VIPR2: variants seen among roughly 807,000 people sequenced by gnomAD.
VIPR2 encodes the protein vasoactive intestinal polypeptide receptor 2.
Under a neutral mutation model 58.0 loss-of-function variants are expected in VIPR2, and 48 were observed. The ratio of observed to expected loss-of-function variants is 0.83; its 90% CI spans 0.66 to 1.05. VIPR2 has a LOEUF of 1.05. Ranked by LOEUF, VIPR2 falls within the 50% of genes least tolerant of loss-of-function variation. VIPR2 has a pLI of 0.00. For synonymous variants in VIPR2, 243 were observed against 235.2 expected (o/e 1.03, Z -0.30); for missense variants, 534 against 558.0 (o/e 0.96, Z 0.43).
At chr7:159,058,248 T>C (rs1158100128) in intron 5 of VIPR2, among the ~76,000 whole-genome samples, 1 of 152,246 alleles carries the variant, frequency 6.6e-6, no homozygotes, top group Non-Finnish European at 1.5e-5. Flanking sequence ...ATTTAATAAA[T>C]GATAGCTGAG....
intron 4 of VIPR2, among the ~76,000 whole-genome samples, chr7:159,080,009 T>A (rs1038387963): frequency 6.6e-6 from 1 of 152,122 alleles, no homozygotes; most frequent in South Asian, 2.1e-4. Context: ...CAGGACCAGA[T>A]GGATTCACAG....
intron 4 of VIPR2, among the ~76,000 whole-genome samples, chr7:159,080,291 C>T (rs560737144): frequency 4.5e-4 from 68 of 152,252 alleles, no homozygotes; most frequent in Non-Finnish European, 5.0e-4. Flanking sequence ...GCTTCATCCC[C>T]GGGATGCAAG....
chr7:159,032,708 G>T (rs1307539574), intron 10 of VIPR2, among the ~76,000 whole-genome samples: 1 of 152,128 alleles, frequency 6.6e-6, no homozygotes, highest in African/African-American at 2.4e-5. Context: ...GGCCTCAAGG[G>T]TGTCTCGGCC....
chr7:159,144,526 G>A (rs1451946731), intron 1 of VIPR2, 195 bp downstream of exon 1: 3 of 1,518,324 alleles, frequency 2.0e-6, no homozygotes, highest in African/African-American at 2.8e-5. Context: ...CCCGCAACCC[G>A]GCGGGACCGG....
intron 4 of VIPR2, among the ~76,000 whole-genome samples, chr7:159,070,207 T>C (rs1227187096): frequency 6.6e-6 from 1 of 152,146 alleles, no homozygotes; most frequent in African/African-American, 2.4e-5. Flanking sequence ...AGCAAAGGCA[T>C]ATAAGGCAAT....
At chr7:159,034,683 C>T (rs763115583) in intron 8 of VIPR2, 33 bp from the exon 9 acceptor site, 12 of 1,599,360 alleles carry the variant, frequency 7.5e-6, no homozygotes, top group Non-Finnish European at 9.4e-6. Flanking sequence ...CAGGTTACCA[C>T]CAACCACTTT....
In VIPR2 at chr7:159,104,355, C is replaced by T. The variant is rs149109773; in HGVS notation, c.260-501G>A. 1.9e-3 allele frequency among the ~76,000 whole-genome samples: 261 copies of T among 137,620 alleles called. 1 individual carries two copies. Among genetic ancestry groups the T allele is most frequent in the African/African-American group, 6.1e-3 (222 of 36,336 alleles). 90.3% of individuals were successfully genotyped at this position (137,620 alleles called of 152,430 possible). A position where few individuals can be genotyped will look rare whatever the true frequency, so the allele number is the denominator to read the frequency against. On this transcript the variant is annotated intron_variant, in intron 3 of 12. Transcript: ENST00000262178. ...TCCCGGCCAGCACCCTCGCCACTGA[C>T]GGTGACCAGATGCCCCACTGCTCCA...
intron 4 of VIPR2, among the ~76,000 whole-genome samples, chr7:159,087,688 G>GACTTGGAT (rs1726610316): frequency 8.6e-6 from 1 of 116,432 alleles, no homozygotes; most frequent in African/African-American, 3.4e-5. Flanking sequence ...CAATACACAG[G>GACTTGGAT]ATCCTCATAG....
At chr7:159,123,792 T>A (rs1796557363) in intron 2 of VIPR2, among the ~76,000 whole-genome samples, 1 of 152,210 alleles carries the variant, frequency 6.6e-6, no homozygotes, top group African/African-American at 2.4e-5. Flanking sequence ...TTCCCTTTTC[T>A]CTGTAATCTT....
At chr7:159,036,094 C>A in intron 7 of VIPR2, 82 bp from the exon 8 acceptor site, 1 of 1,468,342 alleles carries the variant, frequency 6.8e-7, no homozygotes, top group Non-Finnish European at 9.2e-7. Context: ...GCAAAACCCT[C>A]AAGGACACGC....
At chr7:159,087,838 T>G (rs955660192) in intron 4 of VIPR2, among the ~76,000 whole-genome samples, 1 of 146,592 alleles carries the variant, frequency 6.8e-6, no homozygotes, top group Non-Finnish European at 1.5e-5. Context: ...AGGACTCAGA[T>G]AGTGAGATAC....
intron 4 of VIPR2, among the ~76,000 whole-genome samples, chr7:159,101,869 C>CCTG (rs1444503850): frequency 1.6e-5 from 1 of 62,262 alleles, no homozygotes; most frequent in East Asian, 5.1e-4. Flanking sequence ...AGGCGGTTCC[C>CCTG]ACTGTTCCTG....
chr7:159,074,650 A>G (rs551703747), intron 4 of VIPR2, among the ~76,000 whole-genome samples: 3 of 152,350 alleles, frequency 2.0e-5, no homozygotes, highest in African/African-American at 7.2e-5. Flanking sequence ...AGACTAAGAT[A>G]ATATACTATT....
At chr7:159,061,046 G>A (rs186382854) in intron 4 of VIPR2, among the ~76,000 whole-genome samples, 27 of 152,270 alleles carry the variant, frequency 1.8e-4, no homozygotes, top group African/African-American at 6.3e-4. Context: ...GGAATATTAC[G>A]CAGCCACAAA....
chr7:159,122,415 C>T (rs1303422729), intron 2 of VIPR2, among the ~76,000 whole-genome samples: 4 of 152,332 alleles, frequency 2.6e-5, no homozygotes, highest in African/African-American at 4.8e-5. Flanking sequence ...GGGGTCTGGA[C>T]GTCATCTCCT....
At chr7:159,073,085 T>C (rs1307790370) in intron 4 of VIPR2, among the ~76,000 whole-genome samples, 2 of 152,184 alleles carry the variant, frequency 1.3e-5, no homozygotes, top group East Asian at 1.9e-4. Context: ...TCCTAGGATA[T>C]AAAAATTGTT....
chr7:159,080,599 T>C (rs1856853430), intron 4 of VIPR2, among the ~76,000 whole-genome samples: 1 of 152,198 alleles, frequency 6.6e-6, no homozygotes, highest in Admixed American at 6.5e-5. Flanking sequence ...TTCAACATAG[T>C]GTTGGAAGTT....
At chr7:159,121,273 G>T (rs990101871) in intron 2 of VIPR2, among the ~76,000 whole-genome samples, 1 of 150,928 alleles carries the variant, frequency 6.6e-6, no homozygotes, top group African/African-American at 2.4e-5. Flanking sequence ...AGCTCCCTCT[G>T]CACGAGTCGG....
At chr7:159,053,658 C>T (rs1855135361) in intron 5 of VIPR2, among the ~76,000 whole-genome samples, 1 of 152,200 alleles carries the variant, frequency 6.6e-6, no homozygotes, top group Non-Finnish European at 1.5e-5. Flanking sequence ...TCCACCCCAG[C>T]CCCTTAAGTA....
Sources: allele counts gnomAD v4.1 joint callset (sites outside exome capture counted in the v4.1 genomes callset), GRCh38; gene constraint gnomAD v4.1.1; transcripts MANE v1.5; gene names NCBI Gene and HGNC (gene_info 2026-07-23, HGNC 2026-07-21).